CCDC60: variants seen among roughly 807,000 people sequenced by gnomAD.
CCDC60 encodes the protein coiled-coil domain-containing protein 60.
CCDC60 carries 54 observed loss-of-function variants against 63.5 expected under a neutral mutation model. That is an observed-to-expected ratio of 0.85 (90% CI 0.68 to 1.07). The LOEUF (loss-of-function observed/expected upper bound fraction) is 1.07. Among genes scored for constraint, CCDC60 ranks in the 50% least tolerant of loss-of-function variants. The pLI is 0.00. For synonymous variants in CCDC60, 206 were observed against 238.8 expected (o/e 0.86, Z 1.27); for missense variants, 651 against 684.3 (o/e 0.95, Z 0.54).
intron 1 of CCDC60, among the ~76,000 whole-genome samples, chr12:119,424,376 C>T (rs1956865290): frequency 6.6e-6 from 1 of 152,190 alleles, no homozygotes; most frequent in Non-Finnish European, 1.5e-5. Flanking sequence ...GACTCAAATG[C>T]ATCACATACC....
At chr12:119,497,222 A>G (rs1480910922) in intron 5 of CCDC60, among the ~76,000 whole-genome samples, 1 of 152,248 alleles carries the variant, frequency 6.6e-6, no homozygotes, top group East Asian at 1.9e-4. Flanking sequence ...TATTTGGTCG[A>G]TGGCACTAAT....
intron 2 of CCDC60, among the ~76,000 whole-genome samples, chr12:119,461,527 A>T (rs1447459972): frequency 6.6e-6 from 1 of 152,148 alleles, no homozygotes; most frequent in Non-Finnish European, 1.5e-5. Flanking sequence ...TCCTCTCATC[A>T]GCTCACACAC....
chr12:119,493,126 C>T (rs1593168314), intron 5 of CCDC60, among the ~76,000 whole-genome samples: 1 of 152,136 alleles, frequency 6.6e-6, no homozygotes, highest in East Asian at 1.9e-4. Context: ...TTTTCTGAGT[C>T]TCCATCATCA....
intron 1 of CCDC60, among the ~76,000 whole-genome samples, chr12:119,427,212 A>AC (rs1172981092): frequency 6.6e-6 from 1 of 151,982 alleles, no homozygotes; most frequent in Non-Finnish European, 1.5e-5. Context: ...CCATAATCTC[A>AC]CCCCCAGAGA....
At chr12:119,348,463 C>G (rs1011600030) in intron 1 of CCDC60, among the ~76,000 whole-genome samples, 3 of 152,182 alleles carry the variant, frequency 2.0e-5, no homozygotes, top group Non-Finnish European at 2.9e-5. Flanking sequence ...TAAACAAACT[C>G]TAGCCAGAGC....
chr12:119,478,357 AC>A (rs919424583), intron 3 of CCDC60, among the ~76,000 whole-genome samples: 15 of 91,494 alleles, frequency 1.6e-4, no homozygotes, highest in African/African-American at 4.9e-4. Context: ...CATGACAACA[AC>A]CACCCCCCCC....
At chr12:119,526,443 C>A (rs1363961420) in intron 11 of CCDC60, among the ~76,000 whole-genome samples, 1 of 152,186 alleles carries the variant, frequency 6.6e-6, no homozygotes, top group Non-Finnish European at 1.5e-5. Flanking sequence ...AGCTTCCGCC[C>A]AGCAAAAGAT....
chr12:119,351,447 C>T (rs1033447300), intron 1 of CCDC60, among the ~76,000 whole-genome samples: 1 of 152,202 alleles, frequency 6.6e-6, no homozygotes, highest in African/African-American at 2.4e-5. Context: ...GCTCATGGCT[C>T]TGCAGGCTGC....
chr12:119,377,823 T>C (rs1176243783), intron 1 of CCDC60, among the ~76,000 whole-genome samples: 1 of 152,202 alleles, frequency 6.6e-6, no homozygotes, highest in Non-Finnish European at 1.5e-5. Flanking sequence ...AGGAAGTGCT[T>C]GCGGTATGCC....
At chr12:119,465,653 G>T (rs1391441589) in intron 2 of CCDC60, among the ~76,000 whole-genome samples, 2 of 151,942 alleles carry the variant, frequency 1.3e-5, no homozygotes, top group Non-Finnish European at 2.9e-5. Flanking sequence ...AGCTACTCAG[G>T]AGGCTGAGGC....
At chr12:119,500,860 C>G (rs192533666) in intron 6 of CCDC60, among the ~76,000 whole-genome samples, 1 of 152,162 alleles carries the variant, frequency 6.6e-6, no homozygotes, top group Non-Finnish European at 1.5e-5. Context: ...GATCCTGTCT[C>G]TAAGAAAAAG....
At chr12:119,460,289 G>A (rs1249079090) in intron 2 of CCDC60, among the ~76,000 whole-genome samples, 2 of 152,118 alleles carry the variant, frequency 1.3e-5, no homozygotes, top group Admixed American at 6.5e-5. Context: ...TCCTACTCCA[G>A]GCCATCTTTC....
chr12:119,498,059 G>C (rs1015986163), intron 5 of CCDC60, among the ~76,000 whole-genome samples: 2 of 152,134 alleles, frequency 1.3e-5, no homozygotes, highest in Non-Finnish European at 2.9e-5. Context: ...TTTCTTGTGT[G>C]GTGGCTGTTC....
chr12:119,349,368 C>G (rs1955631306), intron 1 of CCDC60, among the ~76,000 whole-genome samples: 1 of 128,306 alleles, frequency 7.8e-6, no homozygotes, highest in African/African-American at 3.0e-5. Flanking sequence ...TCTTCTGAGA[C>G]AGAGTCTCTC....
chr12:119,523,606 G>A, intron 10 of CCDC60, 87 bp from the exon 11 acceptor site: 1 of 1,577,388 alleles, frequency 6.3e-7, no homozygotes, highest in Non-Finnish European at 8.6e-7. Context: ...GAGCACCTTG[G>A]GGCTAAGGGG....
At chr12:119,520,387 C>T (rs1422000501) in intron 9 of CCDC60, among the ~76,000 whole-genome samples, 195 bp downstream of exon 9, 1 of 151,972 alleles carries the variant, frequency 6.6e-6, no homozygotes, top group Admixed American at 6.6e-5. Flanking sequence ...TTCTCCCCAA[C>T]AATTATATAC....
intron 2 of CCDC60, 183 bp downstream of exon 2, chr12:119,428,945 T>C (rs1371958480): frequency 1.2e-5 from 6 of 495,180 alleles, no homozygotes; most frequent in Admixed American, 7.0e-5. Context: ...AGCTGGACTT[T>C]CCAGGGAGTA....
chr12:119,365,842 G>T (rs922287943), intron 1 of CCDC60, among the ~76,000 whole-genome samples: 2 of 152,164 alleles, frequency 1.3e-5, no homozygotes, highest in Non-Finnish European at 2.9e-5. Flanking sequence ...AGACACACAG[G>T]CAGGTGCCTA....
chr12:119,359,421 G>C (rs145422714), intron 1 of CCDC60, among the ~76,000 whole-genome samples: 445 of 152,074 alleles, frequency 2.9e-3, no homozygotes, highest in African/African-American at 0.01. Flanking sequence ...TTCACTTTTA[G>C]GTGTTGATTG....
Sources: gnomAD v4.1 joint callset for allele counts (sites outside exome capture counted in the v4.1 genomes callset) on GRCh38, gnomAD v4.1.1 for gene constraint, MANE v1.5 for transcripts, NCBI Gene and HGNC (gene_info 2026-07-23, HGNC 2026-07-21) for gene names.